MARK1: variants seen among roughly 807,000 people sequenced by gnomAD.
MARK1 encodes the protein microtubule affinity regulating kinase 1.
Under a neutral mutation model 96.3 loss-of-function variants are expected in MARK1, and 40 were observed. The observed-to-expected ratio is 0.42, with a 90% CI of 0.32 to 0.54. The LOEUF is 0.54. MARK1 is among the 20% of genes least tolerant of loss of function. The pLI, the probability that MARK1 is intolerant of heterozygous loss-of-function variation, is 0.16. For synonymous variants in MARK1, 317 were observed against 341.2 expected (o/e 0.93, Z 0.78); for missense variants, 719 against 984.6 (o/e 0.73, Z 3.61).
chr1:220,653,137 T>C lies in MARK1; in HGVS notation c.1773T>C (p.Ala591=). The stretch of plus-strand genomic sequence containing the variant: ...GAGTGCCTGCTGCTTCCCCATCTGC[T>C]CACAGTATTAGTACTGCGACTCCAG... ...TQRVPAASPS[A]HSISTATPDR... Residue 591 remains alanine (A), a synonymous_variant, in exon 16 of 18, where the codon GCT becomes GCC. Transcript: ENST00000366917. 1 of 1,614,208 alleles carries C rather than the reference T, an allele frequency of 6.2e-7. No individual in the cohort carries two copies. Among genetic ancestry groups the C allele is most frequent in the Non-Finnish European group, 8.5e-7 (1 of 1,180,036 alleles).
rs1667938182 is a variant in MARK1, at chr1:220,635,964, A to G, written c.1408A>G (p.Ser470Gly). 2 of 1,614,154 alleles carry G rather than the reference A, an allele frequency of 1.2e-6. No homozygotes were observed. Among genetic ancestry groups the G allele is most frequent in the East Asian group, 4.5e-5 (2 of 44,880 alleles). ...KLGSTTVGSK[S>G]EMTASPLVGP... Reference sequence around the variant, plus strand: ...TGGCAGCACAACAGTTGGATCAAAAAGCGAGATGACTGCAAGCCCTCTTGT... The same window carrying G: ...TGGCAGCACAACAGTTGGATCAAAAGGCGAGATGACTGCAAGCCCTCTTGT... The change falls in exon 13 of 18, where the codon AGC becomes GGC. Residue 470 changes from serine to glycine, a missense_variant. Transcript: ENST00000366917.
chr1:220,538,393 T>A (rs1297967128), intron 1 of MARK1, among the ~76,000 whole-genome samples: 10 of 150,588 alleles, frequency 6.6e-5, no homozygotes, highest in African/African-American at 2.4e-4. Flanking sequence ...GTTGTAGATA[T>A]GCAGCATTAT....
chr1:220,554,835 A>T (rs1363637238), intron 1 of MARK1, among the ~76,000 whole-genome samples: 1 of 152,134 alleles, frequency 6.6e-6, no homozygotes, highest in African/African-American at 2.4e-5. Flanking sequence ...CTGAGTGGAG[A>T]TGTAGTGGGA....
chr1:220,585,037 T>C (rs1275832472), intron 3 of MARK1, among the ~76,000 whole-genome samples: 1 of 152,214 alleles, frequency 6.6e-6, no homozygotes, highest in Non-Finnish European at 1.5e-5. Context: ...AAGAGAATTA[T>C]TATTTTGTGA....
chr1:220,601,731 G>A (rs1478948711), intron 5 of MARK1, among the ~76,000 whole-genome samples: 1 of 152,136 alleles, frequency 6.6e-6, no homozygotes, highest in Non-Finnish European at 1.5e-5. Flanking sequence ...TATGTGTACT[G>A]ACTTAATGGT....
rs61640147 is a variant in MARK1 at position 220,529,555 on chromosome 1, CTCTT to C, written c.51+683_51+686del. ...CACATGAAGCCAAGGGCTTTTTAAT[CTCTT>C]CCTTAAGTCAGTGATAATGATGCAG... On this transcript the variant is annotated intron_variant, in intron 1 of 17. Transcript: ENST00000366917. Among the ~76,000 whole-genome samples the C allele has an allele frequency of 3.7e-3, 562 of 152,288 alleles. 6 individuals carry two copies. The highest frequency in any genetic ancestry group is 0.013 in the African/African-American group (531 of 41,554).
In MARK1 at chr1:220,635,657, TTATAAA is replaced by T. The variant is rs1667920360; in HGVS notation, c.1276+134_1276+139del. ...GTTCTCACAGACTTATATTACTGAA[TTATAAA>T]TATAATCCCTTTTGCAGGGACTGAC... is the stretch of plus-strand genomic sequence containing the variant. On this transcript the variant is annotated intron_variant, in intron 12 of 17. Transcript: ENST00000366917. 5 of 1,195,602 alleles carry T rather than the reference TTATAAA, an allele frequency of 4.2e-6. No homozygotes were observed. In the South Asian group the frequency reaches 6.6e-5, roughly 16 times the overall value. The allele number at this position is 1,195,602 out of a possible 1,614,324, so 74.1% of individuals were successfully genotyped here.
chr1:220,624,245 C>CTGAGA lies in MARK1; in HGVS notation c.909+5492_909+5496dup, dbSNP rs1667196273. Among the ~76,000 whole-genome samples, 7 of 144,092 alleles carry CTGAGA rather than the reference C, an allele frequency of 4.9e-5. No homozygotes were observed. In the South Asian group the frequency reaches 1.5e-3, roughly 32 times the overall value. The allele number at this position is 144,092 out of a possible 152,430, so 94.5% of individuals were successfully genotyped here. On this transcript the variant is annotated intron_variant, in intron 9 of 17. Transcript: ENST00000366917. ...CCTGGGAAGTGGAGGTTGCAGTGAA[C>CTGAGA]TGAGATCATGCCACTGCACTCCAGC... is the stretch of plus-strand genomic sequence containing the variant.
chr1:220,660,808 C>A (rs1192189368), intron 17 of MARK1, among the ~76,000 whole-genome samples: 1 of 152,134 alleles, frequency 6.6e-6, no homozygotes, highest in African/African-American at 2.4e-5. Flanking sequence ...ATGTACCCAG[C>A]ACAGTTCTAG....
chr1:220,615,448 A>G (rs1666686360), intron 6 of MARK1, among the ~76,000 whole-genome samples: 1 of 152,182 alleles, frequency 6.6e-6, no homozygotes, highest in African/African-American at 2.4e-5. Context: ...AGATATTGCT[A>G]AATACCTCAT....
intron 1 of MARK1, among the ~76,000 whole-genome samples, chr1:220,562,552 C>A (rs1228480191): frequency 6.6e-6 from 1 of 152,136 alleles, no homozygotes; most frequent in Non-Finnish European, 1.5e-5. Context: ...CCCCAAAGAA[C>A]TGTGTAATTG....
chr1:220,616,833 T>C (rs1035194221), intron 7 of MARK1, among the ~76,000 whole-genome samples: 1 of 152,210 alleles, frequency 6.6e-6, no homozygotes, highest in African/African-American at 2.4e-5. Context: ...AGAAAAGAAC[T>C]GTTCCCCTGC....
intron 1 of MARK1, among the ~76,000 whole-genome samples, chr1:220,568,623 T>G (rs1341942602): frequency 6.6e-6 from 1 of 152,102 alleles, no homozygotes; most frequent in African/African-American, 2.4e-5. Flanking sequence ...AAAAAGAAAA[T>G]GTTCCCTATA....
intron 13 of MARK1, among the ~76,000 whole-genome samples, chr1:220,638,937 G>A (rs1668122201): frequency 6.6e-6 from 1 of 151,866 alleles, no homozygotes; most frequent in African/African-American, 2.4e-5. Flanking sequence ...TCTTCTATAG[G>A]TTTTCCTTCA....
intron 6 of MARK1, among the ~76,000 whole-genome samples, chr1:220,612,565 A>C (rs1666512663): frequency 6.6e-6 from 1 of 152,120 alleles, no homozygotes; most frequent in African/African-American, 2.4e-5. Flanking sequence ...TTACTAACTC[A>C]CATTTTTACA....
intron 9 of MARK1, chr1:220,627,136 G>A (rs1667389032): frequency 2.0e-6 from 1 of 500,938 alleles, no homozygotes; most frequent in South Asian, 1.6e-5. Flanking sequence ...CACAAACCTG[G>A]GTCCAAATGC....
intron 13 of MARK1, among the ~76,000 whole-genome samples, chr1:220,645,794 A>G (rs931161646): frequency 1.3e-5 from 2 of 152,236 alleles, no homozygotes; most frequent in African/African-American, 4.8e-5. Flanking sequence ...ACAGGACTAA[A>G]GACAAAAACC....
chr1:220,581,995 A>G (rs150851338), intron 3 of MARK1, among the ~76,000 whole-genome samples: 224 of 152,364 alleles, frequency 1.5e-3, no homozygotes, highest in African/African-American at 4.9e-3. Context: ...ATGTAATTTT[A>G]ATACAAATGA....
rs912524536 is a variant in MARK1 at position 220,583,233 on chromosome 1, G to A, written c.309+2115G>A. Among the ~76,000 whole-genome samples the A allele has an allele frequency of 3.3e-5, 5 of 152,178 alleles. No individual in the cohort carries two copies. The South Asian group carries it at 6.2e-4, about 19-fold the overall frequency. ...TCATTGTAATCTCACTTCTAGAAGTGTTTGGGTAAATTTGTTCTGGTTTGA... is the reference window on the plus strand; with the variant it reads ...TCATTGTAATCTCACTTCTAGAAGTATTTGGGTAAATTTGTTCTGGTTTGA... On this transcript the variant is annotated intron_variant, in intron 3 of 17. Transcript: ENST00000366917.
Sources: gnomAD v4.1 joint callset for allele counts (sites outside exome capture counted in the v4.1 genomes callset) on GRCh38, gnomAD v4.1.1 for gene constraint, MANE v1.5 for transcripts, NCBI Gene and HGNC (gene_info 2026-07-23, HGNC 2026-07-21) for gene names.